Variants in PLXNB2 observed in about 807,000 individuals in gnomAD.
PLXNB2 encodes the protein plexin-B2.
PLXNB2 carries 85 observed loss-of-function variants against 202.6 expected under a neutral mutation model. The observed-to-expected ratio is 0.42, with a 90% confidence interval of 0.35 to 0.50. The LOEUF (loss-of-function observed/expected upper bound fraction) is 0.50. Among genes scored for constraint, PLXNB2 ranks in the 20% least tolerant of loss-of-function variants. The pLI, the probability that PLXNB2 is intolerant of heterozygous loss-of-function variation, is 0.02. For missense variants in PLXNB2, 2,063 were observed against 2,586.2 expected (o/e 0.80, Z 4.39); for synonymous variants, 1,239 against 1,137.6 (o/e 1.09, Z -1.79).
intron 1 of PLXNB2, among the ~76,000 whole-genome samples, chr22:50,303,917 G>C (rs67710834): frequency 0.33 from 50,245 of 152,178 alleles, 9,471 homozygotes; most frequent in South Asian, 0.58. Context: ...GGAGACCTTA[G>C]GGGGCTGAGG....
intron 17 of PLXNB2, 46 bp downstream of exon 17, chr22:50,283,004 C>A (rs1233148947): frequency 6.3e-7 from 1 of 1,583,764 alleles, no homozygotes; most frequent in Non-Finnish European, 8.6e-7. Context: ...CCCTCCATAC[C>A]CAGGGCCAGG....
At chr22:50,286,138 G>A (rs528573921) in intron 9 of PLXNB2, 35 bp downstream of exon 9, 35 of 1,609,182 alleles carry the variant, frequency 2.2e-5, no homozygotes, top group African/African-American at 6.7e-5. Context: ...TGGGGTGGAC[G>A]GGCAGGGTGG....
Position 50,290,107 on chromosome 22 carries a change from T to C in PLXNB2, c.478A>G (p.Thr160Ala). The stretch of plus-strand genomic sequence containing the variant: ...AGCACGCGGTCACCACCAGGACCCG[T>C]GGAGCTCACCAGCCCCACTGTGGCC... ...GVATVGLVSS[T>A]GPGGDRVLFV... The change falls in exon 3 of 37, where the codon ACG becomes GCG. Residue 160 changes from threonine to alanine, a missense_variant. Physicochemically the swap from Thr to Ala is moderately conservative, Grantham distance 58. This residue lies in a region of PLXNB2 where 1,303 missense variants were observed against 1,476.8 expected (regional missense o/e 0.88). Transcript: ENST00000359337. 1 of 1,613,104 alleles carries C rather than the reference T, an allele frequency of 6.2e-7. No homozygotes were observed. Among genetic ancestry groups the C allele is most frequent in the Non-Finnish European group, 8.5e-7 (1 of 1,179,996 alleles).
rs758690133 is a variant in PLXNB2, at chr22:50,290,144, A to G, written c.441T>C (p.Asn147=). The G allele has an allele frequency of 6.2e-7, 1 of 1,612,938 alleles. No individual in the cohort carries two copies. Among genetic ancestry groups the G allele is most frequent in the Admixed American group, 1.7e-5 (1 of 60,000 alleles). The change falls in exon 3 of 37, where the codon AAT becomes AAC. Residue 147 remains asparagine, a synonymous_variant. Transcript: ENST00000359337. ...GSGEKSFVAS[N]DEGVATVGLV... is the part of the protein sequence containing the mutation. ...GCCCCACTGTGGCCACGCCCTCATCATTGCTGGCCACGAAAGACTTCTCCC... is the reference window on the plus strand; with the variant it reads ...GCCCCACTGTGGCCACGCCCTCATCGTTGCTGGCCACGAAAGACTTCTCCC...
chr22:50,277,478 G>T, intron 33 of PLXNB2, 113 bp downstream of exon 33: 1 of 1,117,996 alleles, frequency 8.9e-7, no homozygotes, highest in Non-Finnish European at 1.2e-6. Flanking sequence ...TACATCAAGG[G>T]CTCCAGCCCA....
chr22:50,276,187 G>A (rs6010226), intron 35 of PLXNB2, among the ~76,000 whole-genome samples: 49,036 of 113,306 alleles, frequency 0.43, 11,286 homozygotes, highest in African/African-American at 0.6. Flanking sequence ...TGTGACGCAC[G>A]GCTGTGGATG....
chr22:50,292,897 G>A (rs1002515617), intron 2 of PLXNB2, among the ~76,000 whole-genome samples: 1 of 152,232 alleles, frequency 6.6e-6, no homozygotes, highest in African/African-American at 2.4e-5. Context: ...TAGACAGGCA[G>A]CTCCTGCCCG....
Position 50,278,882 on chromosome 22 carries a change from A to T in PLXNB2, c.4519T>A (p.Trp1507Arg), listed in dbSNP as rs1435511754. 6.2e-7 allele frequency: 1 copy of T among 1,612,768 alleles called. No homozygotes were observed. The highest frequency in any genetic ancestry group is 2.2e-5 in the East Asian group (1 of 44,852). ...AGGACCACGCTGTCTGGCCTGGGCCAGCAGGAGCAGGGCTGCCCACGGTAC... is the reference window on the plus strand; with the variant it reads ...AGGACCACGCTGTCTGGCCTGGGCCTGCAGGAGCAGGGCTGCCCACGGTAC... ...QVYRGQPCSC[W>R]PRPDSVVLEW... Residue 1507 changes from tryptophan to arginine, a missense_variant, in exon 28 of 37, where the codon TGG (tryptophan) becomes AGG (arginine). Around this residue, in one of 2 missense-constraint regions of PLXNB2, gnomAD observed 760 missense variants for 1,109.4 expected, o/e 0.69. Transcript: ENST00000359337.
At position 50,284,023 on chromosome 22, in the gene PLXNB2, G is replaced by T; in HGVS notation, c.2264-33C>A. On this transcript the variant is annotated intron_variant, in intron 13 of 36. Coordinates refer to ENST00000359337, the MANE Select transcript of PLXNB2 (RefSeq NM_012401.4). This position sits in a 1 kb window ranked among gnomAD's most constrained non-coding sequence, Gnocchi z 8.0. ...GAGAGCTGCCGTCAGTGGTCACCCC[G>T]TGCCTGCCCGCCCCCGACCTGCTCC... 6.5e-7 allele frequency: 1 copy of T among 1,526,742 alleles called. No homozygotes were observed. The highest frequency in any genetic ancestry group is 8.8e-7 in the Non-Finnish European group (1 of 1,140,594). 94.6% of individuals were successfully genotyped at this position (1,526,742 alleles called of 1,614,324 possible). A position where few individuals can be genotyped will look rare whatever the true frequency, so the allele number is the denominator to read the frequency against.
intron 1 of PLXNB2, among the ~76,000 whole-genome samples, chr22:50,306,524 A>AG (rs938773744): frequency 6.9e-6 from 1 of 144,588 alleles, no homozygotes; most frequent in Non-Finnish European, 1.5e-5. Flanking sequence ...CCACCCGCAA[A>AG]GGGCTCCTGA....
chr22:50,278,227 G>T lies in PLXNB2; in HGVS notation c.4777C>A (p.Arg1593=). 1 of 1,610,160 alleles carries T rather than the reference G, an allele frequency of 6.2e-7. No homozygotes were observed. ...EEENRVWHLV[R]PTDEVDEGKS... ...CCCTCGTCCACCTCGTCGGTCGGCC[G>T]CACCAGGTGCCACACCCGGTTCTCC... The change falls in exon 31 of 37, where the codon CGG becomes AGG. Residue 1593 remains arginine (R), a synonymous_variant. Coordinates refer to ENST00000359337, the MANE Select transcript of PLXNB2 (RefSeq NM_012401.4).
chr22:50,282,663 G>A (rs751289654), intron 18 of PLXNB2, 48 bp downstream of exon 18: 7 of 1,365,416 alleles, frequency 5.1e-6, no homozygotes, highest in South Asian at 2.6e-5. Context: ...CACTGAGGAG[G>A]CAGCTGGGTG....
intron 1 of PLXNB2, chr22:50,300,449 G>A (rs2067612294): frequency 2.5e-6 from 1 of 393,166 alleles, no homozygotes; most frequent in Non-Finnish European, 3.5e-6. Flanking sequence ...GACCCTGCCC[G>A]GAGCAGCCTC....
At chr22:50,299,539 A>G (rs2067529809) in intron 1 of PLXNB2, among the ~76,000 whole-genome samples, 1 of 152,082 alleles carries the variant, frequency 6.6e-6, no homozygotes, top group South Asian at 2.1e-4. Flanking sequence ...ATCAGAGGAA[A>G]CAAAACAGAC....
intron 1 of PLXNB2, among the ~76,000 whole-genome samples, chr22:50,304,651 AC>A (rs199877091): frequency 0.02 from 3,083 of 151,350 alleles, 55 homozygotes; most frequent in South Asian, 0.036. Flanking sequence ...GAGCCTGAGC[AC>A]CCCCCACCAG....
chr22:50,284,537 G>T lies in PLXNB2; in HGVS notation c.2181+36C>A. ...CCCCCACCCCACCCGGGGCCCTGGG[G>T]TCCAGCAGCCGAGCCGGCCTGCCCT... On this transcript the variant is annotated intron_variant, in intron 12 of 36. Transcript: ENST00000359337. This position sits in a 1 kb window ranked among gnomAD's most constrained non-coding sequence, Gnocchi z 8.0. 6.5e-7 allele frequency: 1 copy of T among 1,527,904 alleles called. No homozygotes were observed. The highest frequency in any genetic ancestry group is 9.0e-7 in the Non-Finnish European group (1 of 1,110,302). The allele number at this position is 1,527,904 out of a possible 1,614,324, so 94.6% of individuals were successfully genotyped here.
intron 2 of PLXNB2, among the ~76,000 whole-genome samples, chr22:50,294,331 C>G (rs1411429243): frequency 6.6e-6 from 1 of 152,228 alleles, no homozygotes; most frequent in East Asian, 1.9e-4. Context: ...TCCATCCAGA[C>G]CAGGCCACAG....
At chr22:50,279,499 A>T in intron 27 of PLXNB2, 131 bp downstream of exon 27, 1 of 879,992 alleles carries the variant, frequency 1.1e-6, no homozygotes. Flanking sequence ...GAGTTAGAGC[A>T]GGCTGTAACT....
chr22:50,303,777 T>A (rs2067792119), intron 1 of PLXNB2, among the ~76,000 whole-genome samples: 1 of 151,530 alleles, frequency 6.6e-6, no homozygotes, highest in South Asian at 2.1e-4. Flanking sequence ...CTGCCTCTGA[T>A]GCTGCTGCTG....
Sources: allele counts gnomAD v4.1 joint callset (sites outside exome capture counted in the v4.1 genomes callset), GRCh38; gene constraint gnomAD v4.1.1; regional missense constraint gnomAD v4.1.1; non-coding constraint Gnocchi (gnomAD v3.1); transcripts MANE v1.5; gene names NCBI Gene and HGNC (gene_info 2026-07-23, HGNC 2026-07-21).